FSTL4: variants seen among roughly 807,000 people sequenced by gnomAD.
FSTL4 encodes follistatin-related protein 4.
Under a neutral mutation model 78.2 loss-of-function variants are expected in FSTL4, and 28 were observed. The ratio of observed to expected loss-of-function variants is 0.36; its 90% CI spans 0.27 to 0.49. The LOEUF (loss-of-function observed/expected upper bound fraction) is 0.49. Ranked by LOEUF, FSTL4 falls within the 20% of genes least tolerant of loss-of-function variation. FSTL4 has a pLI of 0.98. For synonymous variants in FSTL4, 422 were observed against 440.5 expected (o/e 0.96, Z 0.53); for missense variants, 922 against 1,084.9 (o/e 0.85, Z 2.11).
the FSTL4 span, among the ~76,000 whole-genome samples, chr5:133,656,357 T>G: frequency 6.6e-6 from 1 of 152,110 alleles, no homozygotes; most frequent in Non-Finnish European, 1.5e-5. Flanking sequence ...ACAATTCCCA[T>G]TTCATTGTTT....
chr5:133,383,814 C>T (rs1165128434), intron 4 of FSTL4, among the ~76,000 whole-genome samples: 1 of 152,178 alleles, frequency 6.6e-6, no homozygotes, highest in East Asian at 1.9e-4. Flanking sequence ...GTGCATTTCT[C>T]AGACAAAAGT....
chr5:133,759,803 C>T, the FSTL4 span, among the ~76,000 whole-genome samples: 135 of 152,238 alleles, frequency 8.9e-4, no homozygotes, highest in African/African-American at 2.8e-3. Flanking sequence ...GTTAGTTCAC[C>T]GTTTCAACAC....
chr5:133,777,306 A>C, the FSTL4 span, among the ~76,000 whole-genome samples: 1 of 152,354 alleles, frequency 6.6e-6, no homozygotes, highest in South Asian at 2.1e-4. Context: ...AAAATGTTAT[A>C]CAGTATGCTT....
chr5:133,783,870 C>T, the FSTL4 span, among the ~76,000 whole-genome samples: 1 of 151,540 alleles, frequency 6.6e-6, no homozygotes, highest in African/African-American at 2.4e-5. Context: ...CTTTCCACTG[C>T]CCCCGCCCAC....
intron 3 of FSTL4, among the ~76,000 whole-genome samples, chr5:133,449,675 C>T (rs1580716081): frequency 6.6e-6 from 1 of 152,172 alleles, no homozygotes; most frequent in African/African-American, 2.4e-5. Flanking sequence ...TGCGTCCCTC[C>T]CGTGTTTCAA....
Position 133,400,925 on chromosome 5 carries a change from G to C in FSTL4, c.222C>G (p.Ser74Arg), listed in dbSNP as rs540420127. The C allele has an allele frequency of 3.1e-6, 5 of 1,613,396 alleles. No individual in the cohort carries two copies. The highest frequency in any genetic ancestry group is 3.3e-5 in the Admixed American group (2 of 60,032). ...CTGTCTTCCTGCTGAGCACGCACCGGCTCCCTCGGCTGCAGAACTTCTTCC... is the reference window on the plus strand; with the variant it reads ...CTGTCTTCCTGCTGAGCACGCACCGCCTCCCTCGGCTGCAGAACTTCTTCC... ...SCGKKFCSRG[S>R]RCVLSRKTGE... Residue 74 changes from serine to arginine, a missense_variant, in exon 4 of 16, where the codon AGC becomes AGG. By Grantham distance (110) the Ser-to-Arg change is moderately radical. Coordinates refer to ENST00000265342, the MANE Select transcript of FSTL4 (RefSeq NM_015082.2).
Position 133,312,680 on chromosome 5 carries a change from G to A in FSTL4, c.701C>T (p.Thr234Ile). 6.2e-7 allele frequency: 1 copy of A among 1,614,044 alleles called. No individual in the cohort carries two copies. Among genetic ancestry groups the A allele is most frequent in the Non-Finnish European group, 8.5e-7 (1 of 1,179,908 alleles). The change falls in exon 6 of 16, where the codon ACC becomes ATC. Residue 234 changes from threonine to isoleucine, a missense_variant. Physicochemically the swap from Thr to Ile is moderately conservative, Grantham distance 89 (BLOSUM62 -1). Coordinates refer to ENST00000265342, the MANE Select transcript of FSTL4 (RefSeq NM_015082.2). ...FDDYNSDSSL[T>I]LREFYMAFQV... Reference sequence around the variant, plus strand: ...GAAGGCCATGTAGAACTCGCGGAGGGTCAGGGAGCTGTCACTGTTGTAATC... The same window carrying A: ...GAAGGCCATGTAGAACTCGCGGAGGATCAGGGAGCTGTCACTGTTGTAATC...
In FSTL4 at chr5:133,448,749, G is replaced by GT. The variant is rs554384602; in HGVS notation, c.161-47764_161-47763insA. On this transcript the variant is annotated intron_variant, in intron 3 of 15. Coordinates refer to ENST00000265342, the MANE Select transcript of FSTL4 (RefSeq NM_015082.2). ...CCAGGGGTGCGGGGGCGGGGGGGGGGGGCGCTCAGAATTTTCCGCCTTTTG... is the reference window on the plus strand; with the variant it reads ...CCAGGGGTGCGGGGGCGGGGGGGGGGTGGCGCTCAGAATTTTCCGCCTTTTG... 8.5e-3 allele frequency among the ~76,000 whole-genome samples: 1,197 copies of GT among 140,372 alleles called. 33 individuals carry two copies. Among genetic ancestry groups the GT allele is most frequent in the Non-Finnish European group, 0.014 (888 of 63,810 alleles). 92.1% of individuals were successfully genotyped at this position (140,372 alleles called of 152,430 possible).
chr5:133,831,238 T>C, the FSTL4 span, among the ~76,000 whole-genome samples: 2 of 152,202 alleles, frequency 1.3e-5, no homozygotes, highest in African/African-American at 4.8e-5. Context: ...GCATAGCCCC[T>C]GGTCCAACCT....
the FSTL4 span, among the ~76,000 whole-genome samples, chr5:133,649,969 G>A: frequency 6.6e-6 from 1 of 152,044 alleles, no homozygotes; most frequent in Non-Finnish European, 1.5e-5. Context: ...TCTGCCAGCT[G>A]TATAAGAAGC....
chr5:133,318,885 T>A (rs1007916126), intron 4 of FSTL4, among the ~76,000 whole-genome samples: 3 of 152,204 alleles, frequency 2.0e-5, no homozygotes, highest in Admixed American at 6.5e-5. Context: ...AGCCTCTTAT[T>A]TCGTCTCAGG....
At chr5:133,327,088 G>A (rs1284490104) in intron 4 of FSTL4, among the ~76,000 whole-genome samples, 1 of 152,232 alleles carries the variant, frequency 6.6e-6, no homozygotes, top group Non-Finnish European at 1.5e-5. Context: ...ACTAGTAGCA[G>A]ATCCAAGATC....
At chr5:133,289,915 C>A (rs1356533003) in intron 6 of FSTL4, among the ~76,000 whole-genome samples, 1 of 152,170 alleles carries the variant, frequency 6.6e-6, no homozygotes, top group African/African-American at 2.4e-5. Context: ...ACTTCTGAAA[C>A]AAAAAGAATC....
rs1409465948 is a variant in FSTL4, at chr5:133,352,105, G to C, written c.410-35453C>G. ...TGCAGGGATGTTACAAAGGTATACT[G>C]TGTGATGCTGGGGTTTAAAATATGA... On this transcript the variant is annotated intron_variant, in intron 4 of 15. Transcript: ENST00000265342. 2.6e-5 allele frequency among the ~76,000 whole-genome samples: 4 copies of C among 151,532 alleles called. No homozygotes were observed. In the South Asian group the frequency reaches 8.3e-4, roughly 32 times the overall value.
At chr5:133,783,600 C>T in the FSTL4 span, among the ~76,000 whole-genome samples, 1 of 152,158 alleles carries the variant, frequency 6.6e-6, no homozygotes, top group Non-Finnish European at 1.5e-5. Context: ...ACTTTCCTTC[C>T]ACTGTGTGCA....
chr5:133,831,896 C>A, the FSTL4 span, among the ~76,000 whole-genome samples: 1 of 152,252 alleles, frequency 6.6e-6, no homozygotes, highest in South Asian at 2.1e-4. Flanking sequence ...TCCCTGTGTC[C>A]AAGGGTCAGA....
chr5:133,793,790 C>T, the FSTL4 span, among the ~76,000 whole-genome samples: 1 of 152,232 alleles, frequency 6.6e-6, no homozygotes, highest in African/African-American at 2.4e-5. Context: ...TTCTCCCTCT[C>T]TGATTTGGAG....
At chr5:133,393,957 T>C (rs1755927602) in intron 4 of FSTL4, among the ~76,000 whole-genome samples, 1 of 152,204 alleles carries the variant, frequency 6.6e-6, no homozygotes, top group Admixed American at 6.5e-5. Flanking sequence ...GGAGGTCTCC[T>C]GGGGAAGAAG....
In FSTL4 at chr5:133,225,913, A is replaced by G. The variant is rs1751319005; in HGVS notation, c.1016-94T>C. ...CTGAGACCCTGCTCCAGAGGGGGTG[A>G]ACCCAAGTAGGTGACTGGAGTTCTG... On this transcript the variant is annotated intron_variant, in intron 8 of 15. Coordinates refer to ENST00000265342, the MANE Select transcript of FSTL4 (RefSeq NM_015082.2). The surrounding 1 kb of genome is among the most constrained non-coding windows in gnomAD (Gnocchi z 4.6). 3.2e-6 allele frequency: 3 copies of G among 932,262 alleles called. No individual in the cohort carries two copies. The highest frequency in any genetic ancestry group is 4.6e-6 in the Non-Finnish European group (3 of 649,720). The allele number at this position is 932,262 out of a possible 1,614,324, so 57.7% of individuals were successfully genotyped here.
Sources: gnomAD v4.1 joint callset for allele counts (sites outside exome capture counted in the v4.1 genomes callset) on GRCh38, gnomAD v4.1.1 for gene constraint, Gnocchi (gnomAD v3.1) non-coding constraint, MANE v1.5 for transcripts, NCBI Gene and HGNC (gene_info 2026-07-23, HGNC 2026-07-21) for gene names.